GALNT7: variants seen among roughly 807,000 people sequenced by gnomAD.
GALNT7 encodes N-acetylgalactosaminyltransferase 7.
In GALNT7, 60 loss-of-function variants were observed where a neutral mutation model predicts 82.1. The ratio of observed to expected loss-of-function variants is 0.73; its 90% CI spans 0.59 to 0.91. The LOEUF is 0.91. Ranked by LOEUF, GALNT7 falls within the 40% of genes least tolerant of loss-of-function variation. GALNT7 has a pLI of 0.00. For synonymous variants in GALNT7, 243 were observed against 275.1 expected (o/e 0.88, Z 1.15); for missense variants, 660 against 804.2 (o/e 0.82, Z 2.17).
rs1222284904 is a variant in GALNT7, at chr4:173,183,813, C to T, written c.126+14852C>T. On this transcript the variant is annotated intron_variant, in intron 1 of 11. Transcript: ENST00000265000. ...CCACCTCCCTGACGGCGCGGCTGGC[C>T]GGGCGGGGACTGTCCCCCACCTCCC... 4.6e-5 allele frequency among the ~76,000 whole-genome samples: 7 copies of T among 151,054 alleles called. No individual in the cohort carries two copies. In the East Asian group the frequency reaches 5.9e-4, roughly 13 times the overall value.
chr4:173,235,430 C>T (rs1734187286), intron 1 of GALNT7, among the ~76,000 whole-genome samples: 1 of 152,230 alleles, frequency 6.6e-6, no homozygotes, highest in African/African-American at 2.4e-5. Context: ...CTTCTACAGG[C>T]ACTTTGCACA....
chr4:173,290,588 G>C (rs898457659), intron 2 of GALNT7, among the ~76,000 whole-genome samples: 5 of 152,170 alleles, frequency 3.3e-5, no homozygotes, highest in Non-Finnish European at 5.9e-5. Context: ...CAAGAGGATT[G>C]AATGTGACAA....
chr4:173,264,017 T>C (rs1318156614), intron 2 of GALNT7, among the ~76,000 whole-genome samples: 1 of 152,148 alleles, frequency 6.6e-6, no homozygotes, highest in Non-Finnish European at 1.5e-5. Context: ...GTTACTTTTA[T>C]CAATAAGTAG....
At chr4:173,182,367 T>C (rs951009948) in intron 1 of GALNT7, among the ~76,000 whole-genome samples, 4 of 152,166 alleles carry the variant, frequency 2.6e-5, no homozygotes, top group Non-Finnish European at 5.9e-5. Flanking sequence ...TTCTGGTGAA[T>C]TGAGATACTT....
chr4:173,297,602 A>G (rs1004220132), intron 5 of GALNT7, among the ~76,000 whole-genome samples: 2 of 152,198 alleles, frequency 1.3e-5, no homozygotes, highest in African/African-American at 4.8e-5. Flanking sequence ...CCTAGGGGGA[A>G]GTCTCCTCTC....
At position 173,322,433 on chromosome 4, in the gene GALNT7, A is replaced by G. The variant is rs2126882176; in HGVS notation, c.*716A>G. On this transcript the variant is annotated 3_prime_UTR_variant, in exon 12 of 12. Coordinates refer to ENST00000265000, the MANE Select transcript of GALNT7 (RefSeq NM_017423.3). ...GCTTGAAAAAGAAATGACAATATGG[A>G]ACATCCCAAGGCTGTCCCATAGGGT... 6.6e-6 allele frequency: 1 copy of G among 152,622 alleles called. No homozygotes were observed. The highest frequency in any genetic ancestry group is 2.4e-5 in the African/African-American group (1 of 41,580). The allele number at this position is 152,622 out of a possible 1,614,324, so 9.5% of individuals were successfully genotyped here. A position where few individuals can be genotyped will look rare whatever the true frequency, so the allele number is the denominator to read the frequency against.
At chr4:173,307,414 G>C (rs1212671634) in intron 8 of GALNT7, among the ~76,000 whole-genome samples, 1 of 152,228 alleles carries the variant, frequency 6.6e-6, no homozygotes, top group Non-Finnish European at 1.5e-5. Flanking sequence ...AGCCAAGAAT[G>C]GGAGCACAGA....
intron 3 of GALNT7, among the ~76,000 whole-genome samples, chr4:173,293,473 A>G (rs559487984): frequency 5.9e-5 from 9 of 152,328 alleles, no homozygotes; most frequent in African/African-American, 1.9e-4. Context: ...TGTTTGGTTA[A>G]TCAGACTTGA....
At chr4:173,303,524 A>T (rs1312575629) in intron 7 of GALNT7, among the ~76,000 whole-genome samples, 5 of 152,270 alleles carry the variant, frequency 3.3e-5, no homozygotes, top group African/African-American at 1.2e-4. Context: ...GATCAAAGAT[A>T]TTAAGCAAGG....
At chr4:173,295,907 A>G (rs1239684506) in intron 5 of GALNT7, 64 bp downstream of exon 5, 5 of 890,648 alleles carry the variant, frequency 5.6e-6, no homozygotes, top group Non-Finnish European at 9.6e-6. Context: ...AAGGGCAAAT[A>G]ATATTTTCAT....
At chr4:173,178,848 A>G (rs750882752) in intron 1 of GALNT7, among the ~76,000 whole-genome samples, 2 of 152,260 alleles carry the variant, frequency 1.3e-5, no homozygotes, top group Non-Finnish European at 2.9e-5. Flanking sequence ...ATTACAAAGA[A>G]TATTTTAAAC....
At chr4:173,268,417 G>C (rs1338829622) in intron 2 of GALNT7, among the ~76,000 whole-genome samples, 2 of 151,012 alleles carry the variant, frequency 1.3e-5, no homozygotes, top group Non-Finnish European at 2.9e-5. Context: ...GTAGCACACT[G>C]ACATTATTCT....
At chr4:173,222,659 C>T (rs775458739) in intron 1 of GALNT7, among the ~76,000 whole-genome samples, 2 of 152,152 alleles carry the variant, frequency 1.3e-5, no homozygotes, top group Non-Finnish European at 2.9e-5. Flanking sequence ...ATTTGATCTT[C>T]TTGACAGTTC....
chr4:173,237,397 G>GCTAT (rs1195693766), intron 1 of GALNT7, among the ~76,000 whole-genome samples: 1 of 152,164 alleles, frequency 6.6e-6, no homozygotes, highest in Non-Finnish European at 1.5e-5. Context: ...ATGTGGCAGT[G>GCTAT]CTATATTCAT....
At chr4:173,274,723 G>A (rs903908590) in intron 2 of GALNT7, among the ~76,000 whole-genome samples, 6 of 152,190 alleles carry the variant, frequency 3.9e-5, no homozygotes, top group Non-Finnish European at 8.8e-5. Context: ...GCCTCAGTCT[G>A]GGATAAAAGG....
intron 11 of GALNT7, among the ~76,000 whole-genome samples, chr4:173,318,982 A>G (rs577672725): frequency 6.6e-6 from 1 of 152,216 alleles, no homozygotes; most frequent in African/African-American, 2.4e-5. Flanking sequence ...GCAGGTGGAG[A>G]TAGAGACAAA....
intron 1 of GALNT7, among the ~76,000 whole-genome samples, chr4:173,207,553 G>T (rs1342961636): frequency 6.6e-6 from 1 of 152,046 alleles, no homozygotes; most frequent in African/African-American, 2.4e-5. Context: ...CTCTATTAAG[G>T]TTGTTTCTCA....
At chr4:173,274,743 T>C (rs1236946099) in intron 2 of GALNT7, among the ~76,000 whole-genome samples, 1 of 152,212 alleles carries the variant, frequency 6.6e-6, no homozygotes. Flanking sequence ...GAGATCACAA[T>C]AACTAATAGC....
chr4:173,318,680 C>G, intron 11 of GALNT7, 121 bp downstream of exon 11: 1 of 652,262 alleles, frequency 1.5e-6, no homozygotes, highest in African/African-American at 1.9e-5. Flanking sequence ...ATTTTCCTCT[C>G]ATTTAGTCCC....
Sources: gnomAD v4.1 joint callset for allele counts (sites outside exome capture counted in the v4.1 genomes callset) on GRCh38, gnomAD v4.1.1 for gene constraint, MANE v1.5 for transcripts, NCBI Gene and HGNC (gene_info 2026-07-23, HGNC 2026-07-21) for gene names.